SDK2: variants seen among roughly 807,000 people sequenced by gnomAD.
SDK2 encodes sidekick cell adhesion molecule 2, also known as protein sidekick-2.
A neutral mutation model predicts 253.9 loss-of-function variants in SDK2; 105 were observed. The observed-to-expected ratio is 0.41, with a 90% CI of 0.35 to 0.49. SDK2 has a LOEUF of 0.49. Among genes scored for constraint, SDK2 ranks in the 20% least tolerant of loss-of-function variants. The probability of loss-of-function intolerance (pLI) is 0.06; values close to 1 mark genes in which losing one functional copy is unlikely to be tolerated. For missense variants in SDK2, 2,608 were observed against 3,003.0 expected, an observed-to-expected ratio of 0.87 and a Z score of 3.07; for synonymous variants, 1,249 against 1,234.9, an observed-to-expected ratio of 1.01 and a Z score of -0.24.
chr17:73,368,679 A>T (rs1170575797), intron 36 of SDK2, 86 bp from the exon 37 acceptor site: 1 of 1,186,972 alleles, frequency 8.4e-7, no homozygotes, highest in Non-Finnish European at 1.2e-6. Flanking sequence ...TCTCAGAGAC[A>T]CCTTCATTGC....
chr17:73,598,223 G>A (rs1270461434), intron 1 of SDK2, among the ~76,000 whole-genome samples: 3 of 152,156 alleles, frequency 2.0e-5, no homozygotes, highest in Non-Finnish European at 2.9e-5. Flanking sequence ...CAGGTGACAG[G>A]AGTAGGCCGG....
intron 1 of SDK2, among the ~76,000 whole-genome samples, chr17:73,513,184 C>A (rs923452575): frequency 1.3e-5 from 2 of 149,062 alleles, no homozygotes; most frequent in African/African-American, 4.9e-5. Flanking sequence ...TGACAAATGA[C>A]AAACTGGGGA....
intron 2 of SDK2, among the ~76,000 whole-genome samples, chr17:73,483,217 G>C (rs1337507144): frequency 1.3e-5 from 2 of 151,668 alleles, no homozygotes; most frequent in African/African-American, 4.9e-5. Flanking sequence ...TGCAGGAGCT[G>C]TGTCTGAGCC....
intron 3 of SDK2, among the ~76,000 whole-genome samples, chr17:73,462,355 A>G (rs1454125297): frequency 1.6e-4 from 25 of 151,800 alleles, no homozygotes; most frequent in Admixed American, 1.6e-3. Context: ...TTTATGGTGG[A>G]ATAGATGGTT....
chr17:73,477,097 C>T (rs536168718), intron 2 of SDK2, among the ~76,000 whole-genome samples: 5 of 152,250 alleles, frequency 3.3e-5, no homozygotes, highest in Non-Finnish European at 7.3e-5. Flanking sequence ...GTCTCCCTGC[C>T]TCCCAGGCGG....
intron 39 of SDK2, 71 bp from the exon 40 acceptor site, chr17:73,358,275 C>T (rs1389591710): frequency 2.7e-5 from 42 of 1,531,228 alleles, no homozygotes; most frequent in Middle Eastern, 2.4e-4. Flanking sequence ...ACCCTGGGCT[C>T]GAGGAGGAAC....
chr17:73,599,095 C>T (rs2045801515), intron 1 of SDK2, among the ~76,000 whole-genome samples: 1 of 152,200 alleles, frequency 6.6e-6, no homozygotes, highest in Non-Finnish European at 1.5e-5. Context: ...CTGAAGTCTC[C>T]GAGCTTCCAG....
intron 15 of SDK2, among the ~76,000 whole-genome samples, chr17:73,421,008 A>G (rs1394658519): frequency 6.6e-6 from 1 of 152,226 alleles, no homozygotes; most frequent in Non-Finnish European, 1.5e-5. Context: ...ATGAAGGTAC[A>G]TTAGGAAGGT....
At chr17:73,528,699 T>A (rs1345225834) in intron 1 of SDK2, among the ~76,000 whole-genome samples, 2 of 152,210 alleles carry the variant, frequency 1.3e-5, no homozygotes, top group African/African-American at 4.8e-5. Context: ...CTCTGTTGAC[T>A]CTTTGACACT....
intron 15 of SDK2, 56 bp from the exon 16 acceptor site, chr17:73,419,362 G>A: frequency 6.3e-7 from 1 of 1,578,812 alleles, no homozygotes; most frequent in African/African-American, 1.3e-5. Context: ...GGAGTTGAAT[G>A]GGATATGAGA....
At chr17:73,365,220 G>C (rs527829527) in intron 38 of SDK2, 38 bp downstream of exon 38, 4 of 1,506,384 alleles carry the variant, frequency 2.7e-6, no homozygotes, top group East Asian at 4.9e-5. Flanking sequence ...CTTTTGCAAA[G>C]TGGGGGGCTG....
chr17:73,464,035 G>T (rs148574779), intron 3 of SDK2, among the ~76,000 whole-genome samples: 1 of 152,142 alleles, frequency 6.6e-6, no homozygotes, highest in Non-Finnish European at 1.5e-5. Flanking sequence ...TGCCAACCTG[G>T]TGGGCACGGA....
Position 73,379,083 on chromosome 17 carries a change from G to A in SDK2, c.4980+94C>T. On this transcript the variant is annotated intron_variant, in intron 36 of 44. Transcript: ENST00000392650. The surrounding 1 kb of genome is among the most constrained non-coding windows in gnomAD (Gnocchi z 4.5). ...GCTGGCTGGATGAATGGAGGGCCTG[G>A]GGACCTGCCTGCCTCCCACATATCA... is the stretch of plus-strand genomic sequence containing the variant. 2 of 893,476 alleles carry A rather than the reference G, an allele frequency of 2.2e-6. No individual in the cohort carries two copies. The highest frequency in any genetic ancestry group is 3.5e-6 in the Non-Finnish European group (2 of 567,052). The allele number at this position is 893,476 out of a possible 1,614,324, so 55.3% of individuals were successfully genotyped here.
rs375507811 is a variant in SDK2, at chr17:73,606,372, C to T, written c.64+37653G>A. On this transcript the variant is annotated intron_variant, in intron 1 of 44. Coordinates refer to ENST00000392650, the MANE Select transcript of SDK2 (RefSeq NM_001144952.2). ...GCTCTGGGTGGTCTGCTGAGCCCCT[C>T]CTCTGAGGGGGGGCAGGGCAGGTGC... is the stretch of plus-strand genomic sequence containing the variant. Among the ~76,000 whole-genome samples, 11 of 152,052 alleles carry T rather than the reference C, an allele frequency of 7.2e-5. No homozygotes were observed. In the South Asian group the frequency reaches 1.0e-3, roughly 14 times the overall value.
Position 73,455,788 on chromosome 17 carries a change from C to T in SDK2, c.479+118G>A. The T allele has an allele frequency of 1.7e-6, 2 of 1,177,898 alleles. No individual in the cohort carries two copies. The highest frequency in any genetic ancestry group is 1.1e-6 in the Non-Finnish European group (1 of 873,172). The allele number at this position is 1,177,898 out of a possible 1,614,324, so 73.0% of individuals were successfully genotyped here. On this transcript the variant is annotated intron_variant, in intron 4 of 44. Coordinates refer to ENST00000392650, the MANE Select transcript of SDK2 (RefSeq NM_001144952.2). This position sits in a 1 kb window ranked among gnomAD's most constrained non-coding sequence, Gnocchi z 5.0. The stretch of plus-strand genomic sequence containing the variant: ...CCTACCTGGCTGTGTCCCACAGGAG[C>T]TGAAAGGGGCTTCTGCACAAAGGCC...
chr17:73,615,779 C>A (rs1222312290), intron 1 of SDK2, among the ~76,000 whole-genome samples: 1 of 152,224 alleles, frequency 6.6e-6, no homozygotes, highest in Non-Finnish European at 1.5e-5. Flanking sequence ...AAGCAACACA[C>A]ACACACAAGT....
intron 3 of SDK2, among the ~76,000 whole-genome samples, chr17:73,463,717 AT>A (rs980579798): frequency 6.6e-6 from 1 of 152,080 alleles, no homozygotes; most frequent in African/African-American, 2.4e-5. Context: ...TTTGTGCAAC[AT>A]TTTTTTGGGG....
chr17:73,612,272 C>T lies in SDK2; in HGVS notation c.64+31753G>A, dbSNP rs1159235239. The stretch of plus-strand genomic sequence containing the variant: ...CCCCACCCTCACGGGGTCCCTGTGA[C>T]CCAGCTGCACCTGGGCTGCAGGCTG... On this transcript the variant is annotated intron_variant, in intron 1 of 44. Coordinates refer to ENST00000392650, the MANE Select transcript of SDK2 (RefSeq NM_001144952.2). The surrounding 1 kb of genome is among the most constrained non-coding windows in gnomAD (Gnocchi z 4.4). Among the ~76,000 whole-genome samples the T allele has an allele frequency of 6.6e-6, 1 of 152,120 alleles. No homozygotes were observed. The highest frequency in any genetic ancestry group is 2.4e-5 in the African/African-American group (1 of 41,426).
intron 4 of SDK2, among the ~76,000 whole-genome samples, chr17:73,450,922 T>C (rs985732489): frequency 1.3e-5 from 2 of 152,230 alleles, no homozygotes; most frequent in African/African-American, 4.8e-5. Flanking sequence ...AGAGTGTATA[T>C]TAAGATGGCA....
Sources: gnomAD v4.1 joint callset for allele counts (sites outside exome capture counted in the v4.1 genomes callset) on GRCh38, gnomAD v4.1.1 for gene constraint, Gnocchi (gnomAD v3.1) non-coding constraint, MANE v1.5 for transcripts, NCBI Gene and HGNC (gene_info 2026-07-23, HGNC 2026-07-21) for gene names.